The following RGS21 variants were observed in gnomAD, a reference collection of about 807,000 sequenced individuals.
RGS21 encodes the protein regulator of G protein signaling 21, also known as regulator of G-protein signalling 21.
RGS21 carries 19 observed loss-of-function variants against 18.7 expected under a neutral mutation model. The ratio of observed to expected loss-of-function variants is 1.01; its 90% CI spans 0.71 to 1.49. The LOEUF is 1.49. Ranked by LOEUF, RGS21 falls within the 40% of genes most tolerant of loss-of-function variation. RGS21 has a pLI of 0.00. For synonymous variants in RGS21, 56 were observed against 57.8 expected (o/e 0.97, Z 0.14); for missense variants, 194 against 176.8 (o/e 1.10, Z -0.55).
Position 192,343,066 on chromosome 1 carries a change from C to T in RGS21, c.11+19C>T. Reference sequence around the variant, plus strand: ...CAGTGAAGTGAGTTGCCGTTTCCAGCTATTTTTATCTCAGAAGATGTACAA... The same window carrying T: ...CAGTGAAGTGAGTTGCCGTTTCCAGTTATTTTTATCTCAGAAGATGTACAA... On this transcript the variant is annotated intron_variant, in intron 2 of 4. Coordinates refer to ENST00000417209, the MANE Select transcript of RGS21 (RefSeq NM_001039152.3). 6.2e-7 allele frequency: 1 copy of T among 1,610,198 alleles called. No individual in the cohort carries two copies. Among genetic ancestry groups the T allele is most frequent in the Non-Finnish European group, 8.5e-7 (1 of 1,176,732 alleles).
intron 4 of RGS21, among the ~76,000 whole-genome samples, chr1:192,357,180 T>C (rs1261385589): frequency 2.0e-5 from 3 of 151,662 alleles, no homozygotes; most frequent in Admixed American, 1.3e-4. Context: ...GACCAGAAAT[T>C]TGACTATAGA....
chr1:192,364,902 G>A (rs1216718753), intron 4 of RGS21, among the ~76,000 whole-genome samples: 1 of 152,036 alleles, frequency 6.6e-6, no homozygotes, highest in African/African-American at 2.4e-5. Flanking sequence ...GGAGGCCGAG[G>A]CAGGCAGGTC....
chr1:192,319,675 C>T (rs747249784), intron 1 of RGS21, among the ~76,000 whole-genome samples: 1 of 151,986 alleles, frequency 6.6e-6, no homozygotes, highest in Non-Finnish European at 1.5e-5. Context: ...ATTATTCAGG[C>T]TACTTTTCTG....
intron 4 of RGS21, among the ~76,000 whole-genome samples, chr1:192,359,633 ATATGTT>A (rs946744370): frequency 8.6e-5 from 11 of 128,260 alleles, no homozygotes; most frequent in Non-Finnish European, 1.7e-4. Context: ...GTATGTATAT[ATATGTT>A]TATATGTGTG....
chr1:192,334,118 C>T (rs1658729946), intron 1 of RGS21, among the ~76,000 whole-genome samples: 2 of 152,214 alleles, frequency 1.3e-5, no homozygotes, highest in East Asian at 1.9e-4. Flanking sequence ...GGTCTGCATG[C>T]CTTTGCTAAT....
chr1:192,353,624 C>T (rs1659074468), intron 4 of RGS21, among the ~76,000 whole-genome samples: 1 of 151,692 alleles, frequency 6.6e-6, no homozygotes, highest in African/African-American at 2.4e-5. Context: ...TCTTCTAACA[C>T]AAAATGTCAT....
At chr1:192,336,255 G>C (rs1408274036) in intron 1 of RGS21, among the ~76,000 whole-genome samples, 1 of 152,114 alleles carries the variant, frequency 6.6e-6, no homozygotes, top group Non-Finnish European at 1.5e-5. Flanking sequence ...AGGAGATCGA[G>C]ACCAGCCTAG....
chr1:192,365,576 T>G (rs965062442), intron 4 of RGS21, among the ~76,000 whole-genome samples: 1 of 152,032 alleles, frequency 6.6e-6, no homozygotes, highest in Non-Finnish European at 1.5e-5. Flanking sequence ...CCTAGGAAAA[T>G]TACATTTTAA....
intron 2 of RGS21, among the ~76,000 whole-genome samples, chr1:192,345,146 T>G (rs1177920905): frequency 6.6e-6 from 1 of 152,084 alleles, no homozygotes; most frequent in Admixed American, 6.6e-5. Flanking sequence ...TACTCCTTTA[T>G]ATCCAAAAAG....
chr1:192,354,019 A>G (rs903247329), intron 4 of RGS21, among the ~76,000 whole-genome samples: 12 of 151,642 alleles, frequency 7.9e-5, no homozygotes, highest in African/African-American at 2.9e-4. Context: ...ATCATTTTCT[A>G]TTAGTTGTTT....
rs80050284 is a variant in RGS21, at chr1:192,345,763, C to A, written c.12-1550C>A. Among the ~76,000 whole-genome samples, 65 of 152,022 alleles carry A rather than the reference C, an allele frequency of 4.3e-4. 1 individual carries two copies. The East Asian group carries it at 0.012, about 27-fold the overall frequency. ...TTAATTTGAATACCCTGCTAGCAGC[C>A]AAATTTTAGTATACAAACAGGAATA... On this transcript the variant is annotated intron_variant, in intron 2 of 4. Transcript: ENST00000417209.
At chr1:192,348,915 A>T (rs1036203941) in intron 3 of RGS21, among the ~76,000 whole-genome samples, 25 of 152,308 alleles carry the variant, frequency 1.6e-4, no homozygotes, top group African/African-American at 5.8e-4. Context: ...ATGAATTTAG[A>T]TACTATAAAC....
At chr1:192,343,073 T>C (rs1474597587) in intron 2 of RGS21, 26 bp downstream of exon 2, 1 of 1,609,428 alleles carries the variant, frequency 6.2e-7, no homozygotes, top group Non-Finnish European at 8.5e-7. Flanking sequence ...CAGCTATTTT[T>C]ATCTCAGAAG....
intron 1 of RGS21, among the ~76,000 whole-genome samples, chr1:192,327,453 C>A (rs1001535077): frequency 6.6e-6 from 1 of 151,580 alleles, no homozygotes; most frequent in Non-Finnish European, 1.5e-5. Context: ...CATTTTAAAA[C>A]ATTCTTTTTT....
intron 2 of RGS21, 23 bp downstream of exon 2, chr1:192,343,070 T>A: frequency 6.2e-7 from 1 of 1,610,424 alleles, no homozygotes; most frequent in South Asian, 1.1e-5. Context: ...TTCCAGCTAT[T>A]TTTATCTCAG....
At chr1:192,327,876 A>G (rs1658590544) in intron 1 of RGS21, among the ~76,000 whole-genome samples, 2 of 152,212 alleles carry the variant, frequency 1.3e-5, no homozygotes, top group South Asian at 4.1e-4. Flanking sequence ...ATCCCCTGTT[A>G]TATGCATGAA....
intron 1 of RGS21, among the ~76,000 whole-genome samples, chr1:192,324,616 C>T (rs558159886): frequency 1.4e-5 from 1 of 71,158 alleles, no homozygotes; most frequent in South Asian, 3.1e-4. Flanking sequence ...TGTGCGTGCA[C>T]ACACACACAC....
At chr1:192,328,202 C>T (rs1047038861) in intron 1 of RGS21, among the ~76,000 whole-genome samples, 6 of 152,190 alleles carry the variant, frequency 3.9e-5, no homozygotes, top group Non-Finnish European at 8.8e-5. Flanking sequence ...GCATGCCAGG[C>T]TGGGCATGGC....
chr1:192,347,687 A>ACT (rs1043816486), intron 3 of RGS21, among the ~76,000 whole-genome samples: 2 of 151,538 alleles, frequency 1.3e-5, no homozygotes, highest in African/African-American at 4.8e-5. Context: ...ACAGAGTCTC[A>ACT]CTCTCTCTCT....
Sources: allele counts gnomAD v4.1 joint callset (sites outside exome capture counted in the v4.1 genomes callset), GRCh38; gene constraint gnomAD v4.1.1; transcripts MANE v1.5; gene names NCBI Gene and HGNC (gene_info 2026-07-23, HGNC 2026-07-21).